TPP2: variants seen among roughly 807,000 people sequenced by gnomAD.
TPP2 encodes tripeptidyl-peptidase 2.
Under a neutral mutation model 155.9 loss-of-function variants are expected in TPP2, and 34 were observed. The observed-to-expected ratio is 0.22, with a 90% CI of 0.17 to 0.29. TPP2 has a LOEUF of 0.29. Among genes scored for constraint, TPP2 ranks in the 10% least tolerant of loss-of-function variants. The pLI is 1.00. For missense variants in TPP2, 1,028 were observed against 1,522.3 expected (o/e 0.68, Z 5.40); for synonymous variants, 510 against 529.4 (o/e 0.96, Z 0.50).
At chr13:102,619,437 CA>C (rs10682969) in intron 5 of TPP2, among the ~76,000 whole-genome samples, 2 of 144,432 alleles carry the variant, frequency 1.4e-5, no homozygotes, top group Non-Finnish European at 1.5e-5. Context: ...AGGATTTCTG[CA>C]AAAAAAAAAC....
At position 102,604,911 on chromosome 13, in the gene TPP2, G is replaced by T; in HGVS notation, c.284G>T (p.Arg95Ile). ...GGTGAGATTGTTGGCCTTTCAGGAA[G>T]AGTGCTTAAGGTGAGACCTTTTGTC... is the stretch of plus-strand genomic sequence containing the variant. ...KDGEIVGLSGRVLKIPASWTN... is the reference protein window; with the variant it reads ...KDGEIVGLSGIVLKIPASWTN... The change falls in exon 2 of 30, where the codon AGA (arginine) becomes ATA (isoleucine). Residue 95 changes from arginine to isoleucine, a missense_variant. By Grantham distance (97) the Arg-to-Ile change is moderately conservative. Around this residue, in one of 7 missense-constraint regions of TPP2, gnomAD observed 300 missense variants for 398.3 expected, o/e 0.75. Transcript: ENST00000376052. 6.2e-7 allele frequency: 1 copy of T among 1,613,652 alleles called. No individual in the cohort carries two copies. The highest frequency in any genetic ancestry group is 1.1e-5 in the South Asian group (1 of 90,938).
At chr13:102,603,095 A>G (rs1445562558) in intron 1 of TPP2, among the ~76,000 whole-genome samples, 1 of 152,232 alleles carries the variant, frequency 6.6e-6, no homozygotes, top group Non-Finnish European at 1.5e-5. Context: ...TACTTGTAGC[A>G]ATCATGTTAT....
At chr13:102,642,832 TCCAAAAATATAAC>T (rs895428969) in intron 16 of TPP2, among the ~76,000 whole-genome samples, 1 of 152,182 alleles carries the variant, frequency 6.6e-6, no homozygotes, top group African/African-American at 2.4e-5. Flanking sequence ...AATAGAGGTT[TCCAAAAATATAAC>T]CTTCCTTACT....
chr13:102,629,696 A>G lies in TPP2; in HGVS notation c.1144+87A>G, dbSNP rs111868136. On this transcript the variant is annotated intron_variant, in intron 9 of 29. Coordinates refer to ENST00000376052, the MANE Select transcript of TPP2 (RefSeq NM_001330588.2). ...ATGAAATGTTACCTGTATCTCTGCT[A>G]CACGTAAGACACTGTACACCTTAAG... The G allele has an allele frequency of 6.9e-6, 10 of 1,456,924 alleles. No individual in the cohort carries two copies. In the African/African-American group the frequency reaches 8.8e-5, roughly 13 times the overall value. The allele number at this position is 1,456,924 out of a possible 1,614,324, so 90.2% of individuals were successfully genotyped here.
chr13:102,609,447 G>A (rs1010733928), intron 2 of TPP2, among the ~76,000 whole-genome samples: 7 of 138,662 alleles, frequency 5.0e-5, no homozygotes, highest in Middle Eastern at 4.2e-3. Flanking sequence ...GCCCAGACTG[G>A]AGTGCAATGG....
At chr13:102,664,947 T>C in intron 27 of TPP2, 22 bp downstream of exon 27, 2 of 1,607,826 alleles carry the variant, frequency 1.2e-6, no homozygotes, top group Non-Finnish European at 1.7e-6. Flanking sequence ...GTAAATAATC[T>C]TTCTTGCATC....
chr13:102,648,429 CGTGTGTGTGTGT>C (rs56934655), intron 21 of TPP2, among the ~76,000 whole-genome samples: 9,653 of 148,024 alleles, frequency 0.065, 801 homozygotes, highest in African/African-American at 0.2. Context: ...ATAAGTTACA[CGTGTGTGTGTGT>C]GTGTGTGTGT....
At position 102,598,065 on chromosome 13, in the gene TPP2, C is replaced by T. The variant is rs574111124; in HGVS notation, c.165+862C>T. On this transcript the variant is annotated intron_variant, in intron 1 of 29. Coordinates refer to ENST00000376052, the MANE Select transcript of TPP2 (RefSeq NM_001330588.2). Reference sequence around the variant, plus strand: ...TAGGCAACTTTAAAATCTGTAGATTCAAGGTATCATACCAGAAGGTAGTTT... The same window carrying T: ...TAGGCAACTTTAAAATCTGTAGATTTAAGGTATCATACCAGAAGGTAGTTT... 7.2e-5 allele frequency among the ~76,000 whole-genome samples: 11 copies of T among 152,150 alleles called. No individual in the cohort carries two copies. In the East Asian group the frequency reaches 2.1e-3, roughly 29 times the overall value.
At chr13:102,651,826 G>T (rs1161357254) in intron 24 of TPP2, among the ~76,000 whole-genome samples, 1 of 151,584 alleles carries the variant, frequency 6.6e-6, no homozygotes, top group Non-Finnish European at 1.5e-5. Context: ...ATAAAATGTT[G>T]CAGCTTTTTA....
chr13:102,630,713 A>G (rs1881959917), intron 10 of TPP2, among the ~76,000 whole-genome samples: 1 of 152,190 alleles, frequency 6.6e-6, no homozygotes, highest in Non-Finnish European at 1.5e-5. Flanking sequence ...AGCCCTCTGA[A>G]CTACATTTAT....
chr13:102,649,615 C>A, intron 23 of TPP2, 129 bp downstream of exon 23: 1 of 723,344 alleles, frequency 1.4e-6, no homozygotes, highest in Non-Finnish European at 2.1e-6. Flanking sequence ...AAATTTAATC[C>A]TTTTTTCCCA....
At chr13:102,597,229 CGCGGGG>C in intron 1 of TPP2, 26 bp downstream of exon 1, 1 of 1,294,900 alleles carries the variant, frequency 7.7e-7, no homozygotes, top group Non-Finnish European at 1.0e-6. Context: ...AGGGCCCGGG[CGCGGGG>C]GCGCGGGCGG....
chr13:102,666,227 C>A (rs930792847), intron 27 of TPP2, among the ~76,000 whole-genome samples: 1 of 152,198 alleles, frequency 6.6e-6, no homozygotes, highest in Non-Finnish European at 1.5e-5. Flanking sequence ...GCCCAGGTGC[C>A]ACTGCTAGGA....
intron 24 of TPP2, among the ~76,000 whole-genome samples, chr13:102,656,686 G>T (rs1361248333): frequency 6.6e-6 from 1 of 152,136 alleles, no homozygotes; most frequent in Non-Finnish European, 1.5e-5. Flanking sequence ...TTTACTTAGA[G>T]AATCTTTTCT....
chr13:102,666,240 T>C (rs910844454), intron 27 of TPP2, among the ~76,000 whole-genome samples: 5 of 152,224 alleles, frequency 3.3e-5, no homozygotes, highest in Non-Finnish European at 4.4e-5. Context: ...TGCTAGGAAG[T>C]TGGAAAGCAC....
chr13:102,621,981 T>C (rs925971297), intron 5 of TPP2, among the ~76,000 whole-genome samples: 6 of 152,246 alleles, frequency 3.9e-5, no homozygotes, highest in African/African-American at 1.2e-4. Context: ...TAGTTTCCTA[T>C]ACCTTCGTAT....
chr13:102,641,006 A>C (rs1882732099), intron 16 of TPP2, among the ~76,000 whole-genome samples: 1 of 152,106 alleles, frequency 6.6e-6, no homozygotes, highest in Admixed American at 6.6e-5. Flanking sequence ...TTAAACCTCA[A>C]ACTGTTAAAC....
chr13:102,649,271 A>C, intron 22 of TPP2, 120 bp downstream of exon 22: 1 of 1,335,678 alleles, frequency 7.5e-7, no homozygotes, highest in Non-Finnish European at 1.0e-6. Context: ...TGGCTGAAGT[A>C]TTTCTTCCTT....
intron 15 of TPP2, among the ~76,000 whole-genome samples, chr13:102,639,083 C>A (rs752678230): frequency 6.6e-6 from 1 of 152,202 alleles, no homozygotes; most frequent in African/African-American, 2.4e-5. Context: ...TGAAGGGAGT[C>A]CCTTCTTTCT....
Sources: gnomAD v4.1 joint callset for allele counts (sites outside exome capture counted in the v4.1 genomes callset) on GRCh38, gnomAD v4.1.1 for gene constraint, gnomAD v4.1.1 regional missense constraint, MANE v1.5 for transcripts, NCBI Gene and HGNC (gene_info 2026-07-23, HGNC 2026-07-21) for gene names.